Variants in DCBLD1 observed in about 807,000 individuals in gnomAD.
DCBLD1 encodes the protein discoidin, CUB and LCCL domain containing 1, also known as discoidin, CUB and LCCL domain-containing protein 1.
In DCBLD1, 57 loss-of-function variants were observed where a neutral mutation model predicts 71.5. The observed-to-expected ratio is 0.80, with a 90% confidence interval of 0.64 to 0.99. The LOEUF (loss-of-function observed/expected upper bound fraction) is 0.99, where lower values mean the gene tolerates loss of function less well. DCBLD1 is among the 50% of genes least tolerant of loss of function. DCBLD1 has a pLI of 0.00. For missense variants in DCBLD1, 891 were observed against 923.5 expected, an observed-to-expected ratio of 0.96 and a Z score of 0.46; for synonymous variants, 380 against 363.8, an observed-to-expected ratio of 1.04 and a Z score of -0.51.
chr6:117,516,096 G>A (rs1778187772), intron 2 of DCBLD1, among the ~76,000 whole-genome samples: 1 of 151,998 alleles, frequency 6.6e-6, no homozygotes, highest in Non-Finnish European at 1.5e-5. Context: ...GCTCACACCT[G>A]TAATCCCAGC....
At chr6:117,531,347 G>A (rs1397545174) in intron 5 of DCBLD1, among the ~76,000 whole-genome samples, 2 of 152,092 alleles carry the variant, frequency 1.3e-5, no homozygotes. Context: ...CTCACTCCTG[G>A]GTCTGAGTGC....
At chr6:117,531,921 A>G (rs888693034) in intron 5 of DCBLD1, among the ~76,000 whole-genome samples, 1 of 152,172 alleles carries the variant, frequency 6.6e-6, no homozygotes, top group Non-Finnish European at 1.5e-5. Flanking sequence ...AGGGTGAGCA[A>G]TTTGCCTCCA....
At chr6:117,533,088 A>G (rs1778776878) in intron 6 of DCBLD1, among the ~76,000 whole-genome samples, 1 of 152,150 alleles carries the variant, frequency 6.6e-6, no homozygotes. Context: ...AGAATGGCCA[A>G]GTGGGAGACA....
chr6:117,525,559 C>T (rs2114504628), intron 5 of DCBLD1, 125 bp downstream of exon 5: 1 of 616,704 alleles, frequency 1.6e-6, no homozygotes, highest in Non-Finnish European at 2.5e-6. Context: ...GAGTCTCTCT[C>T]CTCTGAGAAT....
At position 117,482,896 on chromosome 6, in the gene DCBLD1, G is replaced by A. The variant is rs1776941078; in HGVS notation, c.112+3G>A. The A allele has an allele frequency of 1.6e-5, 19 of 1,197,092 alleles. No individual in the cohort carries two copies. The highest frequency in any genetic ancestry group is 3.0e-5 in the South Asian group (1 of 32,880). The allele number at this position is 1,197,092 out of a possible 1,614,324, so 74.2% of individuals were successfully genotyped here. A position where few individuals can be genotyped will look rare whatever the true frequency, so the allele number is the denominator to read the frequency against. The stretch of plus-strand genomic sequence containing the variant: ...CCGGCTGCAGGCGGAGGAGCTGGGT[G>A]AGTGGAGCGCGTCCGGCTGGCGGCG... On this transcript the variant is annotated splice_donor_region_variant and intron_variant, in intron 1 of 14. Transcript: ENST00000338728.
chr6:117,546,171 A>G (rs1328970411), intron 14 of DCBLD1, among the ~76,000 whole-genome samples: 2 of 152,240 alleles, frequency 1.3e-5, no homozygotes, highest in Non-Finnish European at 2.9e-5. Flanking sequence ...CAAAGCTCTA[A>G]TTTTTTATTA....
At chr6:117,541,112 C>T in intron 11 of DCBLD1, 87 bp downstream of exon 11, 3 of 1,252,078 alleles carry the variant, frequency 2.4e-6, no homozygotes, top group Admixed American at 2.0e-5. Flanking sequence ...TTCTTTTTCT[C>T]TGTCATATAA....
chr6:117,514,441 C>CA (rs1014918957), intron 2 of DCBLD1, among the ~76,000 whole-genome samples: 6 of 151,422 alleles, frequency 4.0e-5, no homozygotes, highest in South Asian at 2.1e-4. Context: ...CTCATCTCTA[C>CA]AAAAAAAATC....
chr6:117,498,616 C>G (rs1255750186), intron 1 of DCBLD1, among the ~76,000 whole-genome samples: 1 of 152,096 alleles, frequency 6.6e-6, no homozygotes, highest in Non-Finnish European at 1.5e-5. Flanking sequence ...TTATTTTTTT[C>G]CCTTAAAGAT....
rs1779355509 is a variant in DCBLD1 at position 117,548,479 on chromosome 6, G to A, written c.*40G>A. The A allele has an allele frequency of 1.3e-6, 2 of 1,548,008 alleles. No homozygotes were observed. Among genetic ancestry groups the A allele is most frequent in the East Asian group, 2.4e-5 (1 of 40,920 alleles). Reference sequence around the variant, plus strand: ...AAGCCTGCTGTGGTACTGAGCGTCGGGCTGTCACAAGGCACTGGAAGAAGG... The same window carrying A: ...AAGCCTGCTGTGGTACTGAGCGTCGAGCTGTCACAAGGCACTGGAAGAAGG... On this transcript the variant is annotated 3_prime_UTR_variant, in exon 15 of 15. Coordinates refer to ENST00000338728, the MANE Select transcript of DCBLD1 (RefSeq NM_001366458.2).
rs768915289 is a variant in DCBLD1 at position 117,540,651 on chromosome 6, A to G, written c.1102-17A>G. On this transcript the variant is annotated splice_polypyrimidine_tract_variant and intron_variant, in intron 9 of 14. Coordinates refer to ENST00000338728, the MANE Select transcript of DCBLD1 (RefSeq NM_001366458.2). ...TCACTAATAGAATCTTAAGGTAAAC[A>G]TAATTTCCTTCTATAGGTGTTTCAG... 2 of 1,614,002 alleles carry G rather than the reference A, an allele frequency of 1.2e-6. No individual in the cohort carries two copies. The highest frequency in any genetic ancestry group is 1.7e-6 in the Non-Finnish European group (2 of 1,180,002).
chr6:117,566,952 C>T, intron 14 of DCBLD1: 2 of 1,611,740 alleles, frequency 1.2e-6, no homozygotes, highest in South Asian at 1.1e-5. Flanking sequence ...ACGATGTCCA[C>T]TCTCATCTTC....
chr6:117,556,747 G>A (rs181129097), intron 14 of DCBLD1, among the ~76,000 whole-genome samples: 120 of 152,212 alleles, frequency 7.9e-4, no homozygotes, highest in African/African-American at 2.8e-3. Context: ...CCCAGTAGTG[G>A]GGTTGCTGGA....
chr6:117,522,370 G>C (rs191260885), intron 4 of DCBLD1, among the ~76,000 whole-genome samples: 1 of 152,112 alleles, frequency 6.6e-6, no homozygotes, highest in Admixed American at 6.5e-5. Flanking sequence ...ATGGTGGGCA[G>C]AATCGCCCCC....
At position 117,544,615 on chromosome 6, in the gene DCBLD1, T is replaced by C. The variant is rs764831718; in HGVS notation, c.1495+38T>C. On this transcript the variant is annotated intron_variant, in intron 13 of 14. Coordinates refer to ENST00000338728, the MANE Select transcript of DCBLD1 (RefSeq NM_001366458.2). ...CTCTATCTACAATTTTATCTGTCTT[T>C]GAGGAAGGGACAGGATCTGCTGATT... 2.9e-5 allele frequency: 46 copies of C among 1,611,500 alleles called. No individual in the cohort carries two copies. In the East Asian group the frequency reaches 1.0e-3, roughly 36 times the overall value.
At chr6:117,563,808 G>A (rs1212355606) in intron 14 of DCBLD1, among the ~76,000 whole-genome samples, 1 of 151,594 alleles carries the variant, frequency 6.6e-6, no homozygotes, top group Non-Finnish European at 1.5e-5. Flanking sequence ...ATTAACATTA[G>A]TAATCTGAGG....
At chr6:117,500,607 C>G (rs1262124760) in intron 1 of DCBLD1, among the ~76,000 whole-genome samples, 1 of 152,198 alleles carries the variant, frequency 6.6e-6, no homozygotes, top group East Asian at 1.9e-4. Context: ...TGGCTCACGC[C>G]TGTAATCCCA....
chr6:117,560,575 A>G, intron 14 of DCBLD1: 1 of 193,996 alleles, frequency 5.2e-6, no homozygotes, highest in East Asian at 8.1e-5. Flanking sequence ...AGCACCACAG[A>G]CAAGCTGTGC....
intron 2 of DCBLD1, among the ~76,000 whole-genome samples, chr6:117,504,845 T>C (rs1777786547): frequency 6.6e-6 from 1 of 152,218 alleles, no homozygotes; most frequent in Non-Finnish European, 1.5e-5. Context: ...TCTGAAATTC[T>C]CTGTGCACAC....
Sources: allele counts gnomAD v4.1 joint callset (sites outside exome capture counted in the v4.1 genomes callset), GRCh38; gene constraint gnomAD v4.1.1; transcripts MANE v1.5; gene names NCBI Gene and HGNC (gene_info 2026-07-23, HGNC 2026-07-21).